The following RNU6-8 variants were observed in gnomAD, a reference collection of about 807,000 sequenced individuals.
RNU6-8 encodes the protein RNA, U6 small nuclear 8.
At chr14:32,203,178 T>C (rs1882864411) in exon 1 of RNU6-8, 1 of 152,446 alleles carries the variant, frequency 6.6e-6, no homozygotes, top group African/African-American at 2.4e-5. Flanking sequence ...TATGGAACGC[T>C]TCACGAATTT....
exon 1 of RNU6-8, chr14:32,203,203 C>G (rs989368664): frequency 6.6e-6 from 1 of 152,388 alleles, no homozygotes; most frequent in Admixed American, 6.5e-5. Context: ...GTCATCCTTG[C>G]GCAGGGGCCA....
exon 1 of RNU6-8, chr14:32,203,243 T>C (rs1882871904): frequency 6.6e-6 from 1 of 152,372 alleles, no homozygotes; most frequent in African/African-American, 2.4e-5. Flanking sequence ...GTTCCAATTT[T>C]AGTATATGTG....
At chr14:32,203,254 C>T (rs1321930022) in exon 1 of RNU6-8, 5 of 152,368 alleles carry the variant, frequency 3.3e-5, no homozygotes, top group Admixed American at 2.6e-4. Flanking sequence ...AGTATATGTG[C>T]TGCCGAAGCG....
At chr14:32,203,258 C>T (rs1030691794) in exon 1 of RNU6-8, 2 of 152,322 alleles carry the variant, frequency 1.3e-5, no homozygotes, top group African/African-American at 4.8e-5. Context: ...TATGTGCTGC[C>T]GAAGCGAGCA....
At chr14:32,203,258 C>A (rs1030691794) in exon 1 of RNU6-8, 3 of 152,322 alleles carry the variant, frequency 2.0e-5, no homozygotes, top group Non-Finnish European at 4.4e-5. Context: ...TATGTGCTGC[C>A]GAAGCGAGCA....
chr14:32,203,208 G>GGAT (rs1882867564), exon 1 of RNU6-8: 1 of 152,346 alleles, frequency 6.6e-6, no homozygotes, highest in African/African-American at 2.4e-5. Context: ...CCTTGCGCAG[G>GGAT]GGCCATGCTA....
At chr14:32,203,198 C>G (rs923659824) in exon 1 of RNU6-8, 2 of 152,380 alleles carry the variant, frequency 1.3e-5, no homozygotes, top group Admixed American at 6.5e-5. Context: ...TGCGTGTCAT[C>G]CTTGCGCAGG....
chr14:32,203,253 G>A (rs1265519235), exon 1 of RNU6-8: 5 of 152,358 alleles, frequency 3.3e-5, no homozygotes, highest in African/African-American at 7.2e-5. Context: ...TAGTATATGT[G>A]CTGCCGAAGC....
exon 1 of RNU6-8, chr14:32,203,249 A>T (rs1027927158): frequency 2.0e-5 from 3 of 152,380 alleles, no homozygotes; most frequent in Non-Finnish European, 4.4e-5. Context: ...ATTTTAGTAT[A>T]TGTGCTGCCG....
At chr14:32,203,175 C>G (rs555298524) in exon 1 of RNU6-8, 1 of 152,510 alleles carries the variant, frequency 6.6e-6, no homozygotes, top group South Asian at 2.1e-4. Context: ...AAATATGGAA[C>G]GCTTCACGAA....
At chr14:32,203,237 C>T (rs897860775) in exon 1 of RNU6-8, 3 of 151,066 alleles carry the variant, frequency 2.0e-5, no homozygotes, top group Admixed American at 6.6e-5. Flanking sequence ...TGTATCGTTC[C>T]AATTTTAGTA....
chr14:32,203,174 A>G (rs1338239423), exon 1 of RNU6-8: 2 of 152,458 alleles, frequency 1.3e-5, no homozygotes, highest in African/African-American at 2.4e-5. Flanking sequence ...AAAATATGGA[A>G]CGCTTCACGA....
exon 1 of RNU6-8, chr14:32,203,207 G>GA (rs911657303): frequency 3.3e-5 from 5 of 152,394 alleles, no homozygotes; most frequent in East Asian, 1.9e-4. Flanking sequence ...TCCTTGCGCA[G>GA]GGGCCATGCT....
exon 1 of RNU6-8, chr14:32,203,219 A>T (rs1390973565): frequency 1.3e-5 from 2 of 152,338 alleles, no homozygotes; most frequent in Admixed American, 6.5e-5. Flanking sequence ...GGCCATGCTA[A>T]TCTTCTCTGT....
At chr14:32,203,186 T>C (rs1448491801) in exon 1 of RNU6-8, 1 of 152,422 alleles carries the variant, frequency 6.6e-6, no homozygotes, top group Non-Finnish European at 1.5e-5. Context: ...GCTTCACGAA[T>C]TTGCGTGTCA....
At chr14:32,203,261 A>C (rs1882873513) in exon 1 of RNU6-8, 1 of 152,370 alleles carries the variant, frequency 6.6e-6, no homozygotes, top group African/African-American at 2.4e-5. Context: ...GTGCTGCCGA[A>C]GCGAGCACGT....
At chr14:32,203,210 G>T (rs1039268819) in exon 1 of RNU6-8, 2 of 152,382 alleles carry the variant, frequency 1.3e-5, no homozygotes, top group African/African-American at 4.8e-5. Flanking sequence ...TTGCGCAGGG[G>T]CCATGCTAAT....
chr14:32,203,181 AC>A (rs1310335153), exon 1 of RNU6-8: 1 of 152,406 alleles, frequency 6.6e-6, no homozygotes, highest in Non-Finnish European at 1.5e-5. Context: ...GGAACGCTTC[AC>A]GAATTTGCGT....
chr14:32,203,215 G>GT (rs778709955), exon 1 of RNU6-8: 1 of 152,294 alleles, frequency 6.6e-6, no homozygotes, highest in Non-Finnish European at 1.5e-5. Flanking sequence ...CAGGGGCCAT[G>GT]CTAATCTTCT....
Sources: gnomAD v4.1 joint callset for allele counts on GRCh38, gnomAD v4.1.1 for gene constraint, MANE v1.5 for transcripts, NCBI Gene and HGNC (gene_info 2026-07-23, HGNC 2026-07-21) for gene names.